PKHD1L1: variants seen among roughly 807,000 people sequenced by gnomAD.
The protein encoded by PKHD1L1 is PKHD1 like 1, also known as fibrocystin-L.
In PKHD1L1, 434 loss-of-function variants were observed where a neutral mutation model predicts 462.9. That is an observed-to-expected ratio of 0.94 (90% confidence interval 0.87 to 1.02). The LOEUF (loss-of-function observed/expected upper bound fraction) is 1.02, where lower values mean the gene tolerates loss of function less well. Among genes scored for constraint, PKHD1L1 ranks in the 50% least tolerant of loss-of-function variants. The pLI is 0.00. For synonymous variants in PKHD1L1, 1,781 were observed against 1,750.0 expected (o/e 1.02, Z -0.44); for missense variants, 5,202 against 5,096.1 (o/e 1.02, Z -0.63).
In PKHD1L1 at chr8:109,496,926, T is replaced by A. The variant is rs752822053; in HGVS notation, c.10335T>A (p.Phe3445Leu). 6.2e-7 allele frequency: 1 copy of A among 1,613,032 alleles called. No homozygotes were observed. The highest frequency in any genetic ancestry group is 1.1e-5 in the South Asian group (1 of 90,874). Residue 3445 changes from phenylalanine to leucine, a missense_variant, in exon 64 of 78, where the codon TTT becomes TTA. Physicochemically the swap from Phe to Leu is conservative, Grantham distance 22 (BLOSUM62 0). Coordinates refer to ENST00000378402, the MANE Select transcript of PKHD1L1 (RefSeq NM_177531.6). The stretch of plus-strand genomic sequence containing the variant: ...TCTATATTTCCCTCCAAGGCCAGTT[T>A]AATCCTGTGGAAAAGTGGTTTGACA... ...RIDGEPCPGQ[F>L]NPVEKWFDNE...
intron 19 of PKHD1L1, among the ~76,000 whole-genome samples, chr8:109,410,513 G>C (rs896295545): frequency 2.0e-5 from 3 of 151,780 alleles, no homozygotes; most frequent in Non-Finnish European, 4.4e-5. Context: ...TAAACAACCA[G>C]ACCTTGTGAA....
rs898960029 is a variant in PKHD1L1 at position 109,443,108 on chromosome 8, A to G, written c.4556A>G (p.Tyr1519Cys). The change falls in exon 36 of 78, where the codon TAT (tyrosine) becomes TGT (cysteine). Residue 1519 changes from tyrosine (Y) to cysteine (C), a missense_variant. This residue lies in a region of PKHD1L1 where 4,497 missense variants were observed against 4,336.8 expected (regional missense o/e 1.04). Coordinates refer to ENST00000378402, the MANE Select transcript of PKHD1L1 (RefSeq NM_177531.6). ...HLFVGRSEAT[Y>C]AYGGPENLHL... ...TTTGTGGGTCGCTCTGAAGCCACAT[A>G]TGCTTATGGTAAGATGGTTAAAGAT... 7 of 1,613,148 alleles carry G rather than the reference A, an allele frequency of 4.3e-6. No homozygotes were observed. The African/African-American group carries it at 5.3e-5, about 12-fold the overall frequency.
At chr8:109,479,967 A>G (rs779096867) in intron 54 of PKHD1L1, 24 bp from the exon 55 acceptor site, 4 of 1,530,238 alleles carry the variant, frequency 2.6e-6, no homozygotes, top group Non-Finnish European at 3.5e-6. Flanking sequence ...ATTATGTTAT[A>G]TTTCTTAAAG....
chr8:109,424,343 T>G (rs1814628210), intron 23 of PKHD1L1, among the ~76,000 whole-genome samples: 1 of 152,220 alleles, frequency 6.6e-6, no homozygotes, highest in South Asian at 2.1e-4. Context: ...TTATCCATTC[T>G]ATTGAACAAC....
In PKHD1L1 at chr8:109,475,695, A is replaced by T. The variant is rs141098312; in HGVS notation, c.8757+426A>T. Reference sequence around the variant, plus strand: ...CTATTAAAAATACAAAAAAAAAAAAAGATTAGCCGGGTGTGGTGGTGGGCA... The same window carrying T: ...CTATTAAAAATACAAAAAAAAAAAATGATTAGCCGGGTGTGGTGGTGGGCA... On this transcript the variant is annotated intron_variant, in intron 51 of 77. Transcript: ENST00000378402. Among the ~76,000 whole-genome samples, 12 of 150,950 alleles carry T rather than the reference A, an allele frequency of 7.9e-5. No individual in the cohort carries two copies. In the East Asian group the frequency reaches 2.3e-3, roughly 29 times the overall value.
chr8:109,441,831 T>G (rs776853032), intron 34 of PKHD1L1, among the ~76,000 whole-genome samples, 176 bp from the exon 35 acceptor site: 3 of 152,184 alleles, frequency 2.0e-5, no homozygotes, highest in Non-Finnish European at 4.4e-5. Flanking sequence ...CTTATTACCT[T>G]GCTTTCCATT....
chr8:109,489,848 A>C (rs1224315634), intron 59 of PKHD1L1, 104 bp from the exon 60 acceptor site: 1 of 737,902 alleles, frequency 1.4e-6, no homozygotes, highest in Non-Finnish European at 2.3e-6. Flanking sequence ...GCAAAGAATA[A>C]TGATTTTTTC....
chr8:109,370,278 G>T (rs1416525718), intron 2 of PKHD1L1, among the ~76,000 whole-genome samples: 1 of 151,832 alleles, frequency 6.6e-6, no homozygotes, highest in Non-Finnish European at 1.5e-5. Context: ...ACTGCATCTG[G>T]CTATTTTTTA....
At chr8:109,422,702 C>T (rs1429439917) in intron 23 of PKHD1L1, among the ~76,000 whole-genome samples, 3 of 152,176 alleles carry the variant, frequency 2.0e-5, no homozygotes, top group Non-Finnish European at 4.4e-5. Flanking sequence ...TTTTGTGAGA[C>T]ATAAGTTTCC....
chr8:109,468,277 C>T (rs1484431301), intron 50 of PKHD1L1, among the ~76,000 whole-genome samples: 1 of 152,194 alleles, frequency 6.6e-6, no homozygotes, highest in Non-Finnish European at 1.5e-5. Context: ...AACTCCTGCC[C>T]TCATTTCAAA....
intron 71 of PKHD1L1, 92 bp from the exon 72 acceptor site, chr8:109,515,078 G>A: frequency 9.8e-7 from 1 of 1,022,062 alleles, no homozygotes; most frequent in Non-Finnish European, 1.3e-6. Context: ...TTAATAGTTT[G>A]CAGAAAGTAT....
chr8:109,366,729 G>A (rs1231254647), intron 2 of PKHD1L1, among the ~76,000 whole-genome samples: 2 of 130,102 alleles, frequency 1.5e-5, no homozygotes, highest in Non-Finnish European at 3.1e-5. Context: ...TTTCACTCTT[G>A]TCGTCCAGGC....
chr8:109,475,665 C>T (rs371059466), intron 51 of PKHD1L1, among the ~76,000 whole-genome samples: 87 of 150,524 alleles, frequency 5.8e-4, no homozygotes, highest in African/African-American at 2.1e-3. Flanking sequence ...GGAGAAACCT[C>T]GTCTCTATTA....
intron 16 of PKHD1L1, 128 bp downstream of exon 16, chr8:109,405,258 G>A: frequency 1.8e-6 from 1 of 563,588 alleles, no homozygotes; most frequent in Non-Finnish European, 2.8e-6. Context: ...CAAAGAAGCA[G>A]AAAAATGTAT....
In PKHD1L1 at chr8:109,534,744, T is replaced by C. The variant is rs1039316446; in HGVS notation, c.*4654T>C. On this transcript the variant is annotated 3_prime_UTR_variant, in exon 78 of 78. Coordinates refer to ENST00000378402, the MANE Select transcript of PKHD1L1 (RefSeq NM_177531.6). ...ACAGGGGACACAGTAGGTACTTGAA[T>C]ACTTGTGGGCAGTCTAACCAGCTAC... Among the ~76,000 whole-genome samples, 1 of 152,212 alleles carries C rather than the reference T, an allele frequency of 6.6e-6. No individual in the cohort carries two copies. Among genetic ancestry groups the C allele is most frequent in the African/African-American group, 2.4e-5 (1 of 41,460 alleles).
intron 12 of PKHD1L1, among the ~76,000 whole-genome samples, chr8:109,399,156 C>T (rs1285269566): frequency 1.3e-5 from 2 of 151,818 alleles, no homozygotes; most frequent in African/African-American, 2.4e-5. Context: ...CCAAATGAAT[C>T]GTTTATGAAC....
chr8:109,472,601 C>T (rs955339300), intron 50 of PKHD1L1, among the ~76,000 whole-genome samples: 4 of 152,148 alleles, frequency 2.6e-5, no homozygotes, highest in African/African-American at 9.6e-5. Context: ...CAACGCAGGA[C>T]ATTGCAAATA....
At chr8:109,379,626 G>A (rs774120101) in intron 2 of PKHD1L1, among the ~76,000 whole-genome samples, 9 of 152,164 alleles carry the variant, frequency 5.9e-5, no homozygotes, top group Non-Finnish European at 1.3e-4. Context: ...GATATAAAGG[G>A]CTGCTTCCCT....
At position 109,398,804 on chromosome 8, in the gene PKHD1L1, C is replaced by CA. The variant is rs1158817274; in HGVS notation, c.1012+257dup. 1.1e-4 allele frequency among the ~76,000 whole-genome samples: 17 copies of CA among 152,150 alleles called. No individual in the cohort carries two copies. In the East Asian group the frequency reaches 3.3e-3, roughly 29 times the overall value. On this transcript the variant is annotated intron_variant, in intron 12 of 77. Transcript: ENST00000378402. ...ACTGAAAATAGCACATCTCTACTGA[C>CA]AGAGTTTAATTATGCTTTTATTTCT...
Sources: gnomAD v4.1 joint callset for allele counts (sites outside exome capture counted in the v4.1 genomes callset) on GRCh38, gnomAD v4.1.1 for gene constraint, gnomAD v4.1.1 regional missense constraint, MANE v1.5 for transcripts, NCBI Gene and HGNC (gene_info 2026-07-23, HGNC 2026-07-21) for gene names.